GLG1: variants seen among roughly 807,000 people sequenced by gnomAD.
GLG1 encodes Golgi apparatus protein 1.
Under a neutral mutation model 160.5 loss-of-function variants are expected in GLG1, and 38 were observed. That is an observed-to-expected ratio of 0.24 (90% CI 0.18 to 0.31). The LOEUF (loss-of-function observed/expected upper bound fraction) is 0.31. GLG1 is among the 10% of genes least tolerant of loss of function. The pLI, the probability that GLG1 is intolerant of heterozygous loss-of-function variation, is 1.00. For synonymous variants in GLG1, 644 were observed against 543.4 expected (o/e 1.19, Z -2.57); for missense variants, 1,373 against 1,505.2 (o/e 0.91, Z 1.45).
intron 22 of GLG1, 79 bp downstream of exon 22, chr16:74,462,015 G>C: frequency 2.7e-6 from 2 of 746,820 alleles, no homozygotes; most frequent in Non-Finnish European, 4.7e-6. Flanking sequence ...GCTGAAGGGA[G>C]AGAAAGTAAA....
At chr16:74,555,762 A>G (rs1189652846) in intron 1 of GLG1, among the ~76,000 whole-genome samples, 1 of 152,188 alleles carries the variant, frequency 6.6e-6, no homozygotes, top group Admixed American at 6.5e-5. Flanking sequence ...CTAAGATTTA[A>G]AAGATTTCTG....
At chr16:74,571,364 AGTT>A (rs1228385689) in intron 1 of GLG1, among the ~76,000 whole-genome samples, 5 of 152,164 alleles carry the variant, frequency 3.3e-5, no homozygotes, top group African/African-American at 1.2e-4. Flanking sequence ...GCAAATATGT[AGTT>A]GTTGTTCTTG....
At chr16:74,580,779 C>G (rs921399850) in intron 1 of GLG1, among the ~76,000 whole-genome samples, 1 of 152,096 alleles carries the variant, frequency 6.6e-6, no homozygotes, top group African/African-American at 2.4e-5. Context: ...GGTTAATATT[C>G]AGAATATATA....
chr16:74,546,002 G>C (rs190469009), intron 1 of GLG1, among the ~76,000 whole-genome samples: 10 of 152,304 alleles, frequency 6.6e-5, no homozygotes, highest in Admixed American at 6.5e-4. Context: ...ACAGTCACCT[G>C]TGAACAGGTA....
chr16:74,474,581 C>A lies in GLG1; in HGVS notation c.2017G>T (p.Asp673Tyr). 6.3e-7 allele frequency: 1 copy of A among 1,585,256 alleles called. No homozygotes were observed. The highest frequency in any genetic ancestry group is 1.3e-5 in the African/African-American group (1 of 74,438). Residue 673 changes from aspartate (D) to tyrosine (Y), a missense_variant, in exon 13 of 26, where the codon GAT (aspartate) becomes TAT (tyrosine). Around this residue, in one of 4 missense-constraint regions of GLG1, gnomAD observed 386 missense variants for 388.5 expected, o/e 0.99. Coordinates refer to ENST00000422840, the MANE Select transcript of GLG1 (RefSeq NM_001145667.2). ...AACTCAGTGAGGTTGCCAACTATAT[C>A]TCTACACTCCACCACCAAGTCATCC... Reference protein sequence around the residue: ...HLDDLVVECRDIVGNLTELES... With the variant: ...HLDDLVVECRYIVGNLTELES...
chr16:74,506,890 C>G (rs1180616880), intron 3 of GLG1, among the ~76,000 whole-genome samples: 1 of 152,078 alleles, frequency 6.6e-6, no homozygotes, highest in Admixed American at 6.6e-5. Context: ...GGAGTAAACT[C>G]TGAAGTGGCT....
In GLG1 at chr16:74,448,824, GCACTTTGGCC is replaced by G; in HGVS notation, c.*4333_*4342del. On this transcript the variant is annotated 3_prime_UTR_variant, in exon 26 of 26. Transcript: ENST00000422840. ...GTAATGCACTTTGGAAGGCCGAAGT[GCACTTTGGCC>G]GAAGTGGGCCACTTTGCGGCCACTT... is the stretch of plus-strand genomic sequence containing the variant. 6.6e-6 allele frequency: 1 copy of G among 151,508 alleles called. No individual in the cohort carries two copies. The highest frequency in any genetic ancestry group is 1.5e-5 in the Non-Finnish European group (1 of 67,958). The allele number at this position is 151,508 out of a possible 1,614,324, so 9.4% of individuals were successfully genotyped here.
At chr16:74,600,724 T>G (rs1597388436) in intron 1 of GLG1, among the ~76,000 whole-genome samples, 1 of 107,676 alleles carries the variant, frequency 9.3e-6, no homozygotes, top group African/African-American at 4.1e-5. Flanking sequence ...TGAGAAAGAT[T>G]CCACCTCAAA....
chr16:74,508,262 C>G (rs1258989253), intron 3 of GLG1, among the ~76,000 whole-genome samples: 1 of 143,138 alleles, frequency 7.0e-6, no homozygotes, highest in African/African-American at 2.6e-5. Flanking sequence ...CTGTGATTCT[C>G]ATATTTCAGT....
chr16:74,553,306 T>C (rs1393459341), intron 1 of GLG1, among the ~76,000 whole-genome samples: 1 of 152,008 alleles, frequency 6.6e-6, no homozygotes, highest in Non-Finnish European at 1.5e-5. Flanking sequence ...AAGTGATGCT[T>C]CTGCTTTAGC....
chr16:74,482,589 C>A (rs1224543332), intron 10 of GLG1, among the ~76,000 whole-genome samples: 1 of 151,992 alleles, frequency 6.6e-6, no homozygotes, highest in Non-Finnish European at 1.5e-5. Flanking sequence ...TGACAAAAAC[C>A]CCTTAAGACA....
chr16:74,559,969 C>T (rs1319063943), intron 1 of GLG1, among the ~76,000 whole-genome samples: 3 of 152,180 alleles, frequency 2.0e-5, no homozygotes, highest in Non-Finnish European at 4.4e-5. Flanking sequence ...TTGTTAATAG[C>T]TTACTTTATA....
chr16:74,477,980 A>ACAAATAAG (rs2015451140), intron 11 of GLG1, among the ~76,000 whole-genome samples: 1 of 146,126 alleles, frequency 6.8e-6, no homozygotes, highest in Admixed American at 6.8e-5. Flanking sequence ...TCTCAAAAAA[A>ACAAATAAG]TAAATAAATA....
At chr16:74,509,513 G>A (rs2016731911) in intron 2 of GLG1, among the ~76,000 whole-genome samples, 1 of 151,694 alleles carries the variant, frequency 6.6e-6, no homozygotes, top group Non-Finnish European at 1.5e-5. Context: ...GAGTCGCCCA[G>A]GTTCTAGTTT....
intron 1 of GLG1, among the ~76,000 whole-genome samples, chr16:74,576,105 C>G (rs867128611): frequency 2.4e-4 from 36 of 152,022 alleles, no homozygotes; most frequent in African/African-American, 8.2e-4. Flanking sequence ...GAGGCTGAGG[C>G]AGAACTGCTT....
At chr16:74,464,476 G>A (rs567741512) in intron 19 of GLG1, among the ~76,000 whole-genome samples, 1 of 152,328 alleles carries the variant, frequency 6.6e-6, no homozygotes, top group Admixed American at 6.5e-5. Context: ...TATCCGTTCT[G>A]CTAATCCGCA....
intron 1 of GLG1, among the ~76,000 whole-genome samples, chr16:74,592,084 T>C (rs1958198240): frequency 6.6e-6 from 1 of 152,312 alleles, no homozygotes; most frequent in African/African-American, 2.4e-5. Flanking sequence ...ATCTGCCACC[T>C]TGGCCGCCTA....
At chr16:74,526,990 A>C (rs924629036) in intron 2 of GLG1, among the ~76,000 whole-genome samples, 6 of 152,170 alleles carry the variant, frequency 3.9e-5, no homozygotes, top group African/African-American at 1.4e-4. Flanking sequence ...ATCAACCTGT[A>C]AGGGTCATGA....
At chr16:74,549,447 C>T (rs1236358835) in intron 1 of GLG1, among the ~76,000 whole-genome samples, 1 of 152,126 alleles carries the variant, frequency 6.6e-6, no homozygotes. Context: ...CCACCACGCC[C>T]GGCTAACTTC....
Sources: allele counts gnomAD v4.1 joint callset (sites outside exome capture counted in the v4.1 genomes callset), GRCh38; gene constraint gnomAD v4.1.1; regional missense constraint gnomAD v4.1.1; transcripts MANE v1.5; gene names NCBI Gene and HGNC (gene_info 2026-07-23, HGNC 2026-07-21).